FTO: variants seen among roughly 807,000 people sequenced by gnomAD.
FTO encodes alpha-ketoglutarate-dependent dioxygenase FTO.
A neutral mutation model predicts 63.9 loss-of-function variants in FTO; 47 were observed. That is an observed-to-expected ratio of 0.74 (90% CI 0.58 to 0.94). The LOEUF (loss-of-function observed/expected upper bound fraction) is 0.94. Among genes scored for constraint, FTO ranks in the 40% least tolerant of loss-of-function variants. FTO has a pLI of 0.00. For missense variants in FTO, 562 were observed against 618.1 expected (o/e 0.91, Z 0.96); for synonymous variants, 207 against 224.4 (o/e 0.92, Z 0.69).
chr16:54,112,719 A>C lies in FTO; in HGVS notation c.*804A>C, dbSNP rs1038202971. The stretch of plus-strand genomic sequence containing the variant: ...GCTCAGCACACGGGAAGGAGATGTT[A>C]ATAATTAAAATAAAGTTGATATCCT... On this transcript the variant is annotated 3_prime_UTR_variant, in exon 9 of 9. Transcript: ENST00000471389. 1 of 152,236 alleles carries C rather than the reference A, an allele frequency of 6.6e-6. No homozygotes were observed. The highest frequency in any genetic ancestry group is 1.5e-5 in the Non-Finnish European group (1 of 68,046). The allele number at this position is 152,236 out of a possible 1,614,324, so 9.4% of individuals were successfully genotyped here.
chr16:53,922,985 C>T (rs1672037618), intron 7 of FTO: 1 of 152,166 alleles, frequency 6.6e-6, no homozygotes, highest in African/African-American at 2.4e-5. Flanking sequence ...CTGTTTCCTG[C>T]TCCCGTCTGT....
intron 1 of FTO, among the ~76,000 whole-genome samples, chr16:53,740,714 G>T (rs1288127349): frequency 6.6e-6 from 1 of 152,142 alleles, no homozygotes; most frequent in Non-Finnish European, 1.5e-5. Flanking sequence ...TGGGAACCAG[G>T]TCTGTGGCTT....
intron 8 of FTO, chr16:53,979,537 G>C (rs1599134587): frequency 1.6e-5 from 1 of 64,212 alleles, no homozygotes; most frequent in Non-Finnish European, 3.1e-5. Flanking sequence ...GTTTATGGCT[G>C]TGTGTGTGTG....
At chr16:54,008,703 C>T (rs1376759946) in intron 8 of FTO, 4 of 151,668 alleles carry the variant, frequency 2.6e-5, no homozygotes, top group Non-Finnish European at 5.9e-5. Context: ...TAATTTCTTA[C>T]CCACTCCGGC....
chr16:53,899,155 G>T (rs1486287436), intron 7 of FTO, among the ~76,000 whole-genome samples: 2 of 151,816 alleles, frequency 1.3e-5, no homozygotes, highest in Non-Finnish European at 2.9e-5. Flanking sequence ...GGACAGTCTT[G>T]TTTTATGCCT....
intron 8 of FTO, among the ~76,000 whole-genome samples, chr16:54,065,095 T>A (rs1181290838): frequency 1.3e-5 from 2 of 149,438 alleles, no homozygotes; most frequent in African/African-American, 4.9e-5. Context: ...AGTGTTAGCA[T>A]AACATTTTAT....
At chr16:54,080,941 A>G (rs1396584753) in intron 8 of FTO, among the ~76,000 whole-genome samples, 1 of 152,160 alleles carries the variant, frequency 6.6e-6, no homozygotes, top group African/African-American at 2.4e-5. Context: ...GCTCCAAAAG[A>G]TCCTGTTAAG....
chr16:53,792,297 A>G (rs1366111354), intron 1 of FTO, among the ~76,000 whole-genome samples: 1 of 152,044 alleles, frequency 6.6e-6, no homozygotes, highest in Admixed American at 6.6e-5. Context: ...TAGCTAAGGG[A>G]TTTTTGTTGT....
At chr16:53,797,747 T>C (rs574740772) in intron 1 of FTO, among the ~76,000 whole-genome samples, 2 of 152,184 alleles carry the variant, frequency 1.3e-5, no homozygotes, top group East Asian at 3.9e-4. Flanking sequence ...TCCAAAGTAG[T>C]TGACCATTTT....
chr16:54,111,975 T>C lies in FTO; in HGVS notation c.*60T>C, dbSNP rs1388976674. ...GATCGGCTTTTCTCCTCCAACGTTG[T>C]CATGGGCTTAAGCAAGAGCAGTGGA... On this transcript the variant is annotated 3_prime_UTR_variant, in exon 9 of 9. Transcript: ENST00000471389. 1 of 1,596,674 alleles carries C rather than the reference T, an allele frequency of 6.3e-7. No homozygotes were observed. Among genetic ancestry groups the C allele is most frequent in the Admixed American group, 1.7e-5 (1 of 59,994 alleles).
At chr16:53,855,086 A>C (rs1598835272) in intron 4 of FTO, among the ~76,000 whole-genome samples, 1 of 151,036 alleles carries the variant, frequency 6.6e-6, no homozygotes. Flanking sequence ...TTTGATTCTC[A>C]GCTTGGTCAT....
chr16:54,093,466 G>T (rs1241805427), intron 8 of FTO, among the ~76,000 whole-genome samples: 1 of 152,218 alleles, frequency 6.6e-6, no homozygotes, highest in Non-Finnish European at 1.5e-5. Flanking sequence ...CACGGGGCAG[G>T]AGGTCACAGC....
chr16:53,855,409 A>G (rs539643561), intron 4 of FTO, among the ~76,000 whole-genome samples: 7 of 152,182 alleles, frequency 4.6e-5, no homozygotes, highest in Non-Finnish European at 1.0e-4. Flanking sequence ...AAATTATACC[A>G]TATTTTAGAT....
Position 53,952,412 on chromosome 16 carries a change from G to A in FTO, c.1364+18303G>A, listed in dbSNP as rs552909939. ...CATGTTTTCTGAAGGGCTCTAACCT[G>A]TGCAGCTGACTGGACCCTGCTGAGC... On this transcript the variant is annotated intron_variant, in intron 8 of 8. Coordinates refer to ENST00000471389, the MANE Select transcript of FTO (RefSeq NM_001080432.3). Among the ~76,000 whole-genome samples the A allele has an allele frequency of 4.6e-5, 7 of 152,288 alleles. No individual in the cohort carries two copies. In the East Asian group the frequency reaches 1.2e-3, roughly 25 times the overall value.
At chr16:53,773,084 T>G (rs57983780) in intron 1 of FTO, among the ~76,000 whole-genome samples, 5,723 of 95,218 alleles carry the variant, frequency 0.06, 474 homozygotes, top group East Asian at 0.44. Context: ...GCCTTTGATT[T>G]ATTTATTTAT....
At chr16:54,095,338 C>T (rs943082421) in intron 8 of FTO, among the ~76,000 whole-genome samples, 3 of 152,186 alleles carry the variant, frequency 2.0e-5, no homozygotes, top group African/African-American at 7.2e-5. Flanking sequence ...CTGCGCCCAG[C>T]CCTAATGCCT....
chr16:54,097,690 A>G (rs1375295894), intron 8 of FTO, among the ~76,000 whole-genome samples: 1 of 152,204 alleles, frequency 6.6e-6, no homozygotes, highest in Non-Finnish European at 1.5e-5. Flanking sequence ...TGAGCAAAAC[A>G]GACAGAAATC....
chr16:54,035,123 A>G (rs1186491581), intron 8 of FTO, among the ~76,000 whole-genome samples: 1 of 152,248 alleles, frequency 6.6e-6, no homozygotes, highest in Non-Finnish European at 1.5e-5. Flanking sequence ...TCAGCAAGGA[A>G]GTGCCTTACT....
intron 1 of FTO, among the ~76,000 whole-genome samples, chr16:53,731,672 C>A (rs1455882343): frequency 6.6e-6 from 1 of 151,828 alleles, no homozygotes; most frequent in East Asian, 1.9e-4. Context: ...TCAAGTGATT[C>A]TCATGCCTCA....
Sources: allele counts gnomAD v4.1 joint callset (sites outside exome capture counted in the v4.1 genomes callset), GRCh38; gene constraint gnomAD v4.1.1; transcripts MANE v1.5; gene names NCBI Gene and HGNC (gene_info 2026-07-23, HGNC 2026-07-21).